Variants in DYSF observed in about 807,000 individuals in gnomAD.
DYSF encodes the protein dysferlin, also known as dystrophy-associated fer-1-like 1.
Under a neutral mutation model 274.9 loss-of-function variants are expected in DYSF, and 212 were observed. That is an observed-to-expected ratio of 0.77 (90% CI 0.69 to 0.86). The LOEUF is 0.86. Among genes scored for constraint, DYSF ranks in the 40% least tolerant of loss-of-function variants. The probability of loss-of-function intolerance (pLI) is 0.00; values close to 1 mark genes in which losing one functional copy is unlikely to be tolerated. For missense variants in DYSF, 2,666 were observed against 2,783.2 expected, an observed-to-expected ratio of 0.96 and a Z score of 0.95; for synonymous variants, 1,091 against 1,078.7, an observed-to-expected ratio of 1.01 and a Z score of -0.22.
chr2:71,557,042 G>A (rs1289347987), intron 22 of DYSF, among the ~76,000 whole-genome samples: 1 of 152,084 alleles, frequency 6.6e-6, no homozygotes, highest in African/African-American at 2.4e-5. Flanking sequence ...AAATGCTCCC[G>A]GCCCAGTAGT....
chr2:71,529,048 AC>A (rs1485256513), intron 14 of DYSF, among the ~76,000 whole-genome samples: 35 of 150,856 alleles, frequency 2.3e-4, no homozygotes, highest in Admixed American at 2.3e-3. Context: ...CCTCCCTTCA[AC>A]CCCAGGCCTC....
chr2:71,549,292 C>G (rs2090747341), intron 17 of DYSF: 2 of 1,549,548 alleles, frequency 1.3e-6, no homozygotes, highest in Non-Finnish European at 1.8e-6. Context: ...GTTCATGTAA[C>G]CCGTCCTTCT....
intron 17 of DYSF, 124 bp from the exon 18 acceptor site, chr2:71,550,917 C>A: frequency 2.6e-6 from 2 of 775,066 alleles, no homozygotes; most frequent in Non-Finnish European, 4.6e-6. Context: ...CTGACAGGAG[C>A]TGCATCTGGT....
intron 24 of DYSF, among the ~76,000 whole-genome samples, chr2:71,567,473 C>T (rs1033847458): frequency 8.5e-5 from 13 of 152,164 alleles, no homozygotes; most frequent in African/African-American, 1.9e-4. Flanking sequence ...GTAAATGAAA[C>T]GAAAACTTTA....
At chr2:71,531,404 T>C (rs1316468245) in intron 14 of DYSF, among the ~76,000 whole-genome samples, 2 of 152,088 alleles carry the variant, frequency 1.3e-5, no homozygotes, top group African/African-American at 4.8e-5. Flanking sequence ...CTTTCAGGGC[T>C]TTGAAAAATT....
At position 71,574,238 on chromosome 2, in the gene DYSF, C is replaced by G. The variant is rs1392814731; in HGVS notation, c.3269C>G (p.Ala1090Gly). 3.7e-6 allele frequency: 6 copies of G among 1,613,838 alleles called. No individual in the cohort carries two copies. The highest frequency in any genetic ancestry group is 1.3e-5 in the African/African-American group (1 of 74,922). ...GCGGAGGGCGAGGGCTGGGAGTACG[C>G]CTCTCTTTTTGGCTGGAAGTTCCAC... is the stretch of plus-strand genomic sequence containing the variant. ...AEAEGEGWEYASLFGWKFHLE... is the reference protein window; with the variant it reads ...AEAEGEGWEYGSLFGWKFHLE... Residue 1090 changes from alanine to glycine, a missense_variant, in exon 30 of 56, where the codon GCC becomes GGC. Physicochemically the swap from Ala to Gly is moderately conservative, Grantham distance 60. Around this residue, in one of 3 missense-constraint regions of DYSF, gnomAD observed 1,460 missense variants for 1,502.1 expected, o/e 0.97. Coordinates refer to ENST00000410020, the MANE Select transcript of DYSF (RefSeq NM_001130987.2).
At chr2:71,674,874 G>A (rs1224125603) in intron 52 of DYSF, among the ~76,000 whole-genome samples, 1 of 152,202 alleles carries the variant, frequency 6.6e-6, no homozygotes, top group Non-Finnish European at 1.5e-5. Flanking sequence ...GGGCCTGCAC[G>A]CTCATCTGTG....
chr2:71,496,219 G>A (rs146280568), intron 3 of DYSF, among the ~76,000 whole-genome samples: 4 of 152,120 alleles, frequency 2.6e-5, no homozygotes, highest in South Asian at 2.1e-4. Context: ...AAGGCTGGGC[G>A]TGGTGGCTTA....
chr2:71,525,338 T>C (rs4422184), intron 12 of DYSF, among the ~76,000 whole-genome samples: 64,642 of 151,980 alleles, frequency 0.43, 14,967 homozygotes, highest in Non-Finnish European at 0.52. Flanking sequence ...AATTCTCCCA[T>C]CTCAGCCTCT....
At chr2:71,675,792 T>A (rs1054708978) in intron 52 of DYSF, among the ~76,000 whole-genome samples, 13 of 152,156 alleles carry the variant, frequency 8.5e-5, no homozygotes, top group African/African-American at 3.1e-4. Context: ...TGTATTATTG[T>A]ATTATATATT....
intron 41 of DYSF, among the ~76,000 whole-genome samples, chr2:71,621,635 T>TAC (rs1220054086): frequency 6.6e-6 from 1 of 150,596 alleles, no homozygotes; most frequent in African/African-American, 2.4e-5. Context: ...ATATATAATA[T>TAC]ATGTATAATA....
At position 71,612,670 on chromosome 2, in the gene DYSF, C is replaced by A; in HGVS notation, c.4251C>A (p.Pro1417=). Residue 1417 remains proline (P), a synonymous_variant, in exon 39 of 56, where the codon CCC becomes CCA. Coordinates refer to ENST00000410020, the MANE Select transcript of DYSF (RefSeq NM_001130987.2). ...VMLPREELYC[P]PITVKVIDNR... is the part of the protein sequence containing the mutation. ...TGCCCAGGGAGGAGCTCTACTGCCC[C>A]CCCATCACCGTCAAGGTCATCGATA... is the stretch of plus-strand genomic sequence containing the variant. The A allele has an allele frequency of 1.2e-6, 2 of 1,614,176 alleles. No individual in the cohort carries two copies. The highest frequency in any genetic ancestry group is 2.2e-5 in the East Asian group (1 of 44,876).
chr2:71,511,856 C>A lies in DYSF; in HGVS notation c.395C>A (p.Pro132His). 6.4e-7 allele frequency: 1 copy of A among 1,551,736 alleles called. No homozygotes were observed. Among genetic ancestry groups the A allele is most frequent in the South Asian group, 1.2e-5 (1 of 84,068 alleles). Residue 132 changes from proline to histidine, a missense_variant, in exon 5 of 56, where the codon CCC (proline) becomes CAC (histidine). This residue lies in a region of DYSF where 794 missense variants were observed against 777.1 expected (regional missense o/e 1.02). Transcript: ENST00000410020. ...VSYTPLPGAV[P>H]LFPPPTPLEP... ...TACACACCGCTGCCTGGAGCTGTGC[C>A]CCTGTTCCCGCCCCCTACTCCTCTG...
chr2:71,481,070 CTG>C, intron 2 of DYSF, 132 bp downstream of exon 2: 1 of 909,666 alleles, frequency 1.1e-6, no homozygotes, highest in Non-Finnish European at 1.8e-6. Flanking sequence ...GTGGTCCAGC[CTG>C]CCAACGAAAT....
chr2:71,612,746 C>A lies in DYSF; in HGVS notation c.4327C>A (p.Leu1443Met). 1 of 1,614,186 alleles carries A rather than the reference C, an allele frequency of 6.2e-7. No homozygotes were observed. Among genetic ancestry groups the A allele is most frequent in the Non-Finnish European group, 8.5e-7 (1 of 1,180,012 alleles). ...GGTGGGCCAGTGTACCATCCGCTCC[C>A]TGGAGAGCTTCCTGTGTGACCCCTA... ...PVVGQCTIRSLESFLCDPYSA... is the reference protein window; with the variant it reads ...PVVGQCTIRSMESFLCDPYSA... Residue 1443 changes from leucine (L) to methionine (M), a missense_variant, in exon 39 of 56, where the codon CTG becomes ATG. By Grantham distance (15) the Leu-to-Met change is conservative. Transcript: ENST00000410020.
At chr2:71,670,062 T>G (rs1055836712) in intron 51 of DYSF, among the ~76,000 whole-genome samples, 2 of 152,136 alleles carry the variant, frequency 1.3e-5, no homozygotes, top group African/African-American at 4.8e-5. Context: ...CACTGTTCTG[T>G]CATTCATGGC....
chr2:71,617,599 G>T (rs2093915797), intron 40 of DYSF, among the ~76,000 whole-genome samples: 1 of 150,756 alleles, frequency 6.6e-6, no homozygotes, highest in African/African-American at 2.4e-5. Flanking sequence ...TGTGGTAGAG[G>T]TGGTGTGTGT....
intron 3 of DYSF, among the ~76,000 whole-genome samples, chr2:71,501,974 C>A (rs1244860697): frequency 6.6e-6 from 1 of 152,098 alleles, no homozygotes; most frequent in African/African-American, 2.4e-5. Flanking sequence ...AACTGCTATG[C>A]TGTTTCCCAC....
At chr2:71,499,663 C>T (rs978643097) in intron 3 of DYSF, among the ~76,000 whole-genome samples, 8 of 152,188 alleles carry the variant, frequency 5.3e-5, no homozygotes, top group African/African-American at 1.9e-4. Context: ...CCTGTCAGAC[C>T]TCAAGCTGCC....
Sources: allele counts gnomAD v4.1 joint callset (sites outside exome capture counted in the v4.1 genomes callset), GRCh38; gene constraint gnomAD v4.1.1; regional missense constraint gnomAD v4.1.1; transcripts MANE v1.5; gene names NCBI Gene and HGNC (gene_info 2026-07-23, HGNC 2026-07-21).